CNTNAP4: variants seen among roughly 807,000 people sequenced by gnomAD.
The protein encoded by CNTNAP4 is contactin-associated protein-like 4.
A neutral mutation model predicts 148.4 loss-of-function variants in CNTNAP4; 98 were observed. The observed-to-expected ratio is 0.66, with a 90% confidence interval of 0.56 to 0.78. CNTNAP4 has a LOEUF of 0.78. Among genes scored for constraint, CNTNAP4 ranks in the 30% least tolerant of loss-of-function variants. CNTNAP4 has a pLI of 0.00. For missense variants in CNTNAP4, 1,935 were observed against 1,565.6 expected, an observed-to-expected ratio of 1.24 and a Z score of -3.98; for synonymous variants, 730 against 565.1, an observed-to-expected ratio of 1.29 and a Z score of -4.14.
At chr16:76,361,005 G>A (rs866255732) in intron 3 of CNTNAP4, among the ~76,000 whole-genome samples, 2 of 149,126 alleles carry the variant, frequency 1.3e-5, no homozygotes, top group Non-Finnish European at 3.0e-5. Context: ...TTGTATTTTT[G>A]GTAGATACGG....
chr16:76,474,864 C>T (rs2081506777), intron 10 of CNTNAP4, among the ~76,000 whole-genome samples: 1 of 152,026 alleles, frequency 6.6e-6, no homozygotes, highest in Admixed American at 6.6e-5. Context: ...TTAACAATGC[C>T]ATAACAACTT....
chr16:76,304,005 A>G (rs1309688424), intron 1 of CNTNAP4, among the ~76,000 whole-genome samples: 2 of 152,096 alleles, frequency 1.3e-5, no homozygotes, highest in African/African-American at 2.4e-5. Flanking sequence ...TATTCAGTTC[A>G]CTTTTATTCA....
At chr16:76,500,401 C>A (rs1416765164) in intron 15 of CNTNAP4, among the ~76,000 whole-genome samples, 1 of 152,374 alleles carries the variant, frequency 6.6e-6, no homozygotes, top group Admixed American at 6.5e-5. Context: ...AACCACTGGG[C>A]ATCTCAACTT....
At chr16:76,369,786 G>A (rs912380542) in intron 3 of CNTNAP4, among the ~76,000 whole-genome samples, 2 of 152,180 alleles carry the variant, frequency 1.3e-5, no homozygotes, top group African/African-American at 4.8e-5. Context: ...ATGTTGCAGT[G>A]AGCTGAGATT....
rs1247781931 is a variant in CNTNAP4 at position 76,452,665 on chromosome 16, G to T, written c.1229G>T (p.Ser410Ile). 1 of 1,613,854 alleles carries T rather than the reference G, an allele frequency of 6.2e-7. No individual in the cohort carries two copies. The highest frequency in any genetic ancestry group is 8.5e-7 in the Non-Finnish European group (1 of 1,179,836). The change falls in exon 8 of 24, where the codon AGT (serine) becomes ATT (isoleucine). Residue 410 changes from serine (S) to isoleucine (I), a missense_variant. Physicochemically the swap from Ser to Ile is moderately radical, Grantham distance 142. Coordinates refer to ENST00000611870, the MANE Select transcript of CNTNAP4 (RefSeq NM_033401.5). ...TWNKAGLLLF[S>I]ELQLISGGIL... Reference sequence around the variant, plus strand: ...AATAAGGCAGGGCTTCTGCTGTTCAGTGAACTTCAGCTGATTTCAGGGGGT... The same window carrying T: ...AATAAGGCAGGGCTTCTGCTGTTCATTGAACTTCAGCTGATTTCAGGGGGT...
chr16:76,463,928 G>A (rs1264452303), intron 9 of CNTNAP4, among the ~76,000 whole-genome samples: 1 of 151,788 alleles, frequency 6.6e-6, no homozygotes, highest in African/African-American at 2.4e-5. Context: ...CGAATCTCAA[G>A]TTTACTTAGG....
intron 17 of CNTNAP4, among the ~76,000 whole-genome samples, chr16:76,530,442 G>C (rs1038054474): frequency 6.6e-6 from 1 of 152,110 alleles, no homozygotes; most frequent in African/African-American, 2.4e-5. Flanking sequence ...AGCGATCATT[G>C]ACTGAGGTCA....
chr16:76,290,480 C>A (rs1597091885), intron 1 of CNTNAP4, among the ~76,000 whole-genome samples: 1 of 152,194 alleles, frequency 6.6e-6, no homozygotes, highest in African/African-American at 2.4e-5. Flanking sequence ...AAGTGGCAGG[C>A]ACTCGCTCAT....
intron 4 of CNTNAP4, 48 bp from the exon 5 acceptor site, chr16:76,447,964 G>T: frequency 7.3e-7 from 1 of 1,378,976 alleles, no homozygotes; most frequent in South Asian, 1.2e-5. Flanking sequence ...ATGATTTAAT[G>T]GAAAAGATAT....
At chr16:76,546,867 C>A (rs543773732) in intron 21 of CNTNAP4, among the ~76,000 whole-genome samples, 129 of 152,264 alleles carry the variant, frequency 8.5e-4, no homozygotes, top group Non-Finnish European at 1.5e-3. Flanking sequence ...CTCATGCCAT[C>A]ATAGTACAAT....
chr16:76,318,379 C>T lies in CNTNAP4; in HGVS notation c.196+1856C>T, dbSNP rs117557391. Among the ~76,000 whole-genome samples the T allele has an allele frequency of 5.7e-3, 862 of 152,076 alleles. 4 individuals are homozygous for T. Among genetic ancestry groups the T allele is most frequent in the African/African-American group, 0.015 (607 of 41,504 alleles). On this transcript the variant is annotated intron_variant, in intron 2 of 23. Transcript: ENST00000611870. ...CATATTTTTCATTAATTTATATACTCATCAGGAGTCTCCATCAGTGGGACT... is the reference window on the plus strand; with the variant it reads ...CATATTTTTCATTAATTTATATACTTATCAGGAGTCTCCATCAGTGGGACT...
intron 10 of CNTNAP4, among the ~76,000 whole-genome samples, chr16:76,471,072 TAC>T (rs1240071743): frequency 1.3e-5 from 2 of 152,010 alleles, no homozygotes; most frequent in African/African-American, 4.8e-5. Flanking sequence ...ACATCTTCCT[TAC>T]ACAGAGTCAC....
At chr16:76,384,642 C>T (rs968919957) in intron 3 of CNTNAP4, among the ~76,000 whole-genome samples, 2 of 152,058 alleles carry the variant, frequency 1.3e-5, no homozygotes, top group Admixed American at 6.5e-5. Flanking sequence ...ATTCCGCGCT[C>T]CTCTCTCAGG....
At chr16:76,372,219 A>G (rs1242999006) in intron 3 of CNTNAP4, among the ~76,000 whole-genome samples, 2 of 147,562 alleles carry the variant, frequency 1.4e-5, no homozygotes, top group Non-Finnish European at 3.0e-5. Context: ...GGTTCACTGC[A>G]AGCTCCGCCT....
intron 4 of CNTNAP4, among the ~76,000 whole-genome samples, chr16:76,439,129 G>A (rs1487501485): frequency 1.3e-5 from 2 of 152,138 alleles, no homozygotes; most frequent in African/African-American, 2.4e-5. Context: ...GAGGCCAGGT[G>A]TGTTCACTGT....
At chr16:76,301,610 G>A (rs1338158826) in intron 1 of CNTNAP4, among the ~76,000 whole-genome samples, 1 of 152,132 alleles carries the variant, frequency 6.6e-6, no homozygotes, top group Admixed American at 6.6e-5. Flanking sequence ...AGGACTTTGG[G>A]AGGGTTACAG....
intron 3 of CNTNAP4, among the ~76,000 whole-genome samples, chr16:76,422,353 A>G (rs1391165825): frequency 1.5e-5 from 1 of 68,316 alleles, no homozygotes; most frequent in Non-Finnish European, 3.2e-5. Flanking sequence ...TGATTATTCA[A>G]TGTTTATCAT....
At chr16:76,464,533 G>GT (rs2143458289) in intron 9 of CNTNAP4, among the ~76,000 whole-genome samples, 1 of 152,244 alleles carries the variant, frequency 6.6e-6, no homozygotes, top group South Asian at 2.1e-4. Flanking sequence ...GGTGGAAAGT[G>GT]TTTTTTAGAT....
At position 76,476,003 on chromosome 16, in the gene CNTNAP4, A is replaced by G. The variant is rs199891227; in HGVS notation, c.1720A>G (p.Asn574Asp). The stretch of plus-strand genomic sequence containing the variant: ...CCAGTCCTGGAGCACCTTTCATTGT[A>G]ACTGTACCAACACTGGTTACAGAGG... ...CSQSWSTFHC[N>D]CTNTGYRGAT... Residue 574 changes from asparagine to aspartate, a missense_variant, in exon 11 of 24, where the codon AAC becomes GAC. Physicochemically the swap from Asn to Asp is conservative, Grantham distance 23. Coordinates refer to ENST00000611870, the MANE Select transcript of CNTNAP4 (RefSeq NM_033401.5). 6 of 1,613,786 alleles carry G rather than the reference A, an allele frequency of 3.7e-6. No individual in the cohort carries two copies. Among genetic ancestry groups the G allele is most frequent in the Non-Finnish European group, 5.1e-6 (6 of 1,179,810 alleles).
Sources: gnomAD v4.1 joint callset for allele counts (sites outside exome capture counted in the v4.1 genomes callset) on GRCh38, gnomAD v4.1.1 for gene constraint, MANE v1.5 for transcripts, NCBI Gene and HGNC (gene_info 2026-07-23, HGNC 2026-07-21) for gene names.